Variants in PRLR observed in about 807,000 individuals in gnomAD.
The protein encoded by PRLR is prolactin receptor.
A neutral mutation model predicts 40.2 loss-of-function variants in PRLR; 13 were observed. The ratio of observed to expected loss-of-function variants is 0.32; its 90% CI spans 0.21 to 0.51. The LOEUF (loss-of-function observed/expected upper bound fraction) is 0.51, where lower values mean the gene tolerates loss of function less well. Ranked by LOEUF, PRLR falls within the 20% of genes least tolerant of loss-of-function variation. The probability of loss-of-function intolerance (pLI) is 0.97; values close to 1 mark genes in which losing one functional copy is unlikely to be tolerated. For missense variants in PRLR, 656 were observed against 747.3 expected, an observed-to-expected ratio of 0.88 and a Z score of 1.42; for synonymous variants, 269 against 278.7, an observed-to-expected ratio of 0.97 and a Z score of 0.35.
intron 1 of PRLR, among the ~76,000 whole-genome samples, chr5:35,227,447 C>CT (rs1461776608): frequency 6.6e-6 from 1 of 152,248 alleles, no homozygotes; most frequent in East Asian, 1.9e-4. Context: ...AGTTTCTTTA[C>CT]TGGTAAAGCT....
intron 8 of PRLR, 119 bp downstream of exon 8, chr5:35,068,660 C>CT (rs1769533504): frequency 3.7e-6 from 3 of 817,150 alleles, no homozygotes; most frequent in Non-Finnish European, 5.9e-6. Context: ...GGCAAACACA[C>CT]TACATCTAAT....
chr5:35,067,657 C>T (rs888388393), intron 9 of PRLR, among the ~76,000 whole-genome samples: 15 of 152,292 alleles, frequency 9.8e-5, no homozygotes, highest in African/African-American at 3.4e-4. Flanking sequence ...TAAAACTGTT[C>T]TAACCTCTCT....
chr5:35,049,116 G>A (rs965900392), exon 9 of PRLR: 5 of 692,766 alleles, frequency 7.2e-6, no homozygotes, highest in Non-Finnish European at 1.3e-5. Flanking sequence ...TTCTGCTTTG[G>A]GGGCAGTAGG....
intron 5 of PRLR, among the ~76,000 whole-genome samples, chr5:35,075,618 A>C (rs544340478): frequency 6.6e-6 from 1 of 152,328 alleles, no homozygotes; most frequent in East Asian, 1.9e-4. Flanking sequence ...GGGCCAGAGA[A>C]TAGCTGAACA....
chr5:35,223,446 T>C (rs912259976), intron 1 of PRLR, among the ~76,000 whole-genome samples: 16 of 152,058 alleles, frequency 1.1e-4, no homozygotes, highest in African/African-American at 3.9e-4. Flanking sequence ...TCTCAGGTGA[T>C]TCTGATGTAA....
In PRLR at chr5:35,143,643, A is replaced by G. The variant is rs190584646; in HGVS notation, c.-105-25521T>C. ...GCAGGACTCTTAATTCCCAATGCTT[A>G]TAACAATGACTGATTGATCCATGGT... On this transcript the variant is annotated intron_variant, in intron 1 of 9. Transcript: ENST00000618457. Among the ~76,000 whole-genome samples the G allele has an allele frequency of 2.5e-3, 386 of 152,324 alleles. 2 individuals are homozygous for G. The highest frequency in any genetic ancestry group is 3.1e-3 in the Non-Finnish European group (211 of 68,034).
intron 1 of PRLR, among the ~76,000 whole-genome samples, chr5:35,217,498 G>A (rs544544274): frequency 4.5e-4 from 69 of 152,256 alleles, no homozygotes; most frequent in Admixed American, 7.2e-4. Flanking sequence ...GGCCACTAAA[G>A]AGTCACTGCT....
intron 2 of PRLR, among the ~76,000 whole-genome samples, chr5:35,116,553 A>C (rs919814392): frequency 3.9e-5 from 6 of 152,182 alleles, no homozygotes; most frequent in Non-Finnish European, 7.3e-5. Flanking sequence ...TGACCTCTTC[A>C]AACTCTTAAA....
intron 1 of PRLR, among the ~76,000 whole-genome samples, chr5:35,130,745 AT>A (rs1773643325): frequency 6.6e-6 from 1 of 152,178 alleles, no homozygotes; most frequent in Non-Finnish European, 1.5e-5. Flanking sequence ...ATGTGACCTC[AT>A]TTGGAAATAG....
chr5:35,136,930 T>C (rs771773023), intron 1 of PRLR, among the ~76,000 whole-genome samples: 1 of 147,148 alleles, frequency 6.8e-6, no homozygotes, highest in Non-Finnish European at 1.5e-5. Context: ...TTGAGAACTA[T>C]TGCCTTCCAG....
At chr5:35,129,393 G>C (rs1442334063) in intron 1 of PRLR, among the ~76,000 whole-genome samples, 2 of 152,156 alleles carry the variant, frequency 1.3e-5, no homozygotes, top group African/African-American at 4.8e-5. Flanking sequence ...TCTCTGCTCA[G>C]ATTTCCTGCA....
chr5:35,144,752 C>T lies in PRLR; in HGVS notation c.-105-26630G>A, dbSNP rs1471074045. 2.0e-5 allele frequency among the ~76,000 whole-genome samples: 3 copies of T among 152,192 alleles called. No individual in the cohort carries two copies. In the East Asian group the frequency reaches 5.8e-4, roughly 29 times the overall value. ...TTCCTCCAATTACAGGCATGGGCCA[C>T]CGCACCTGGCCAAATTTTTAGGCAA... On this transcript the variant is annotated intron_variant, in intron 1 of 9. Coordinates refer to ENST00000618457, the MANE Select transcript of PRLR (RefSeq NM_000949.7).
chr5:35,107,246 T>C (rs973621439), intron 2 of PRLR, among the ~76,000 whole-genome samples: 43 of 152,346 alleles, frequency 2.8e-4, no homozygotes, highest in African/African-American at 9.9e-4. Flanking sequence ...GGGAAATTTA[T>C]AGCACTAAAT....
intron 5 of PRLR, 96 bp from the exon 6 acceptor site, chr5:35,072,840 T>C (rs1247141687): frequency 1.4e-6 from 2 of 1,409,686 alleles, no homozygotes; most frequent in African/African-American, 1.5e-5. Context: ...CTGTTTATCA[T>C]CTCACTCTTC....
chr5:35,052,835 G>C (rs960872890), downstream of PRLR, among the ~76,000 whole-genome samples: 5 of 152,176 alleles, frequency 3.3e-5, no homozygotes, highest in African/African-American at 9.7e-5. Flanking sequence ...TTCTCACTCA[G>C]TCTGTCGGCA....
chr5:35,182,208 G>A (rs1775312689), intron 1 of PRLR, among the ~76,000 whole-genome samples: 1 of 152,136 alleles, frequency 6.6e-6, no homozygotes, highest in Non-Finnish European at 1.5e-5. Context: ...CATAATGGCT[G>A]ACCTAAAGAA....
downstream of PRLR, among the ~76,000 whole-genome samples, chr5:35,053,899 G>T (rs76577507): frequency 0.017 from 2,550 of 152,158 alleles, 68 homozygotes; most frequent in African/African-American, 0.058. Flanking sequence ...CAGATAACAA[G>T]ACTTTGTATA....
At chr5:35,206,728 C>T (rs77718350) in intron 1 of PRLR, among the ~76,000 whole-genome samples, 42 of 151,788 alleles carry the variant, frequency 2.8e-4, no homozygotes, top group African/African-American at 8.9e-4. Flanking sequence ...AGAAGGGTGA[C>T]GAGCTTCTCA....
At chr5:35,215,071 AT>A (rs1776253601) in intron 1 of PRLR, among the ~76,000 whole-genome samples, 1 of 152,030 alleles carries the variant, frequency 6.6e-6, no homozygotes, top group African/African-American at 2.4e-5. Flanking sequence ...TCAACTTAAG[AT>A]GGTTCTTTAG....
Sources: allele counts gnomAD v4.1 joint callset (sites outside exome capture counted in the v4.1 genomes callset), GRCh38; gene constraint gnomAD v4.1.1; transcripts MANE v1.5; gene names NCBI Gene and HGNC (gene_info 2026-07-23, HGNC 2026-07-21).